Variants in PIK3CA observed in about 807,000 individuals in gnomAD.
The protein encoded by PIK3CA is phosphatidylinositol-4,5-bisphosphate 3-kinase catalytic subunit alpha.
PIK3CA carries 27 observed loss-of-function variants against 138.2 expected under a neutral mutation model. That is an observed-to-expected ratio of 0.20 (90% CI 0.14 to 0.27). PIK3CA has a LOEUF of 0.27. Ranked by LOEUF, PIK3CA falls within the 10% of genes least tolerant of loss-of-function variation. The pLI is 1.00. For synonymous variants in PIK3CA, 358 were observed against 413.2 expected, an observed-to-expected ratio of 0.87 and a Z score of 1.62; for missense variants, 544 against 1,277.4, an observed-to-expected ratio of 0.43 and a Z score of 8.75.
At chr3:179,169,595 T>G (rs533657714) in intron 1 of PIK3CA, among the ~76,000 whole-genome samples, 2 of 152,108 alleles carry the variant, frequency 1.3e-5, no homozygotes, top group African/African-American at 4.8e-5. Flanking sequence ...GGTTCTGGGG[T>G]TTTTCCCTAT....
intron 20 of PIK3CA, chr3:179,233,412 T>C (rs1303694507): frequency 5.1e-6 from 2 of 395,164 alleles, no homozygotes; most frequent in Non-Finnish European, 8.9e-6. Context: ...TGAAAAACTA[T>C]TTTAATTTTT....
Position 179,230,946 on chromosome 3 carries a change from G to C in PIK3CA, c.2936+570G>C, listed in dbSNP as rs924440670. Among the ~76,000 whole-genome samples, 1 of 152,042 alleles carries C rather than the reference G, an allele frequency of 6.6e-6. No individual in the cohort carries two copies. The highest frequency in any genetic ancestry group is 1.5e-5 in the Non-Finnish European group (1 of 67,998). ...ACCCAAGTAGTGTGCTTTGCCCCCA[G>C]TATATACTTTTTTATCCCTCACTGT... On this transcript the variant is annotated intron_variant, in intron 20 of 20. Transcript: ENST00000263967. The surrounding 1 kb of genome is among the most constrained non-coding windows in gnomAD (Gnocchi z 5.4).
chr3:179,164,883 A>G (rs1186361124), intron 1 of PIK3CA, among the ~76,000 whole-genome samples: 1 of 152,082 alleles, frequency 6.6e-6, no homozygotes, highest in Non-Finnish European at 1.5e-5. Flanking sequence ...AAAAAAAAGA[A>G]AAAGAAAAAA....
intron 1 of PIK3CA, among the ~76,000 whole-genome samples, chr3:179,188,674 G>A (rs984357396): frequency 6.6e-6 from 1 of 151,930 alleles, no homozygotes; most frequent in Non-Finnish European, 1.5e-5. Flanking sequence ...TTCCTCCTAG[G>A]AAAGAAAGAA....
rs988672985 is a variant in PIK3CA, at chr3:179,148,493, G to C, written c.-187G>C. On this transcript the variant is annotated 5_prime_UTR_variant, in exon 1 of 21. Coordinates refer to ENST00000263967, the MANE Select transcript of PIK3CA (RefSeq NM_006218.4). ...TCCGGAGCGGCGGGGGAGAGGGGCCGGGAGGCGGGGGCCGTGCCGCCCGCT... is the reference window on the plus strand; with the variant it reads ...TCCGGAGCGGCGGGGGAGAGGGGCCCGGAGGCGGGGGCCGTGCCGCCCGCT... 1 of 151,110 alleles carries C rather than the reference G, an allele frequency of 6.6e-6. No individual in the cohort carries two copies. The highest frequency in any genetic ancestry group is 6.6e-5 in the Admixed American group (1 of 15,170). The allele number at this position is 151,110 out of a possible 1,614,324, so 9.4% of individuals were successfully genotyped here.
chr3:179,173,544 A>G (rs868628690), intron 1 of PIK3CA, among the ~76,000 whole-genome samples: 41 of 151,426 alleles, frequency 2.7e-4, no homozygotes, highest in Non-Finnish European at 5.6e-4. Context: ...GTGCCACTGC[A>G]CTCCAGCCTG....
chr3:179,160,663 A>G (rs976812085), intron 1 of PIK3CA, among the ~76,000 whole-genome samples: 1 of 152,124 alleles, frequency 6.6e-6, no homozygotes, highest in Non-Finnish European at 1.5e-5. Flanking sequence ...TTCTATGTAT[A>G]TTTTATATAT....
chr3:179,229,965 A>G (rs201394916), intron 18 of PIK3CA, 39 bp from the exon 19 acceptor site: 45 of 1,372,380 alleles, frequency 3.3e-5, no homozygotes, highest in Middle Eastern at 3.6e-4. Flanking sequence ...CTGAATCACT[A>G]TATTTCCATA....
intron 14 of PIK3CA, among the ~76,000 whole-genome samples, chr3:179,222,185 G>A (rs1724984784): frequency 6.6e-6 from 1 of 151,850 alleles, no homozygotes; most frequent in Non-Finnish European, 1.5e-5. Context: ...GAGAATGTAA[G>A]TTAGCAGTAC....
Position 179,239,955 on chromosome 3 carries a change from G to A in PIK3CA, c.*5591G>A, listed in dbSNP as rs754188481. On this transcript the variant is annotated 3_prime_UTR_variant, in exon 21 of 21. Transcript: ENST00000263967. ...TCACTAAATTTAAGACCTCTTCCCA[G>A]TCTTGCTGTTCCTAGCAAGAAGTTT... 1.0e-5 allele frequency: 13 copies of A among 1,240,316 alleles called. No homozygotes were observed. The Admixed American group carries it at 1.3e-4, about 13-fold the overall frequency. The allele number at this position is 1,240,316 out of a possible 1,614,324, so 76.8% of individuals were successfully genotyped here.
chr3:179,235,541 A>C lies in PIK3CA; in HGVS notation c.*1177A>C, dbSNP rs1725317306. The stretch of plus-strand genomic sequence containing the variant: ...CTTCTTTCCTTTTATTTCTTATGTG[A>C]ATCTCCCGTCTTCCATTCTCTTTTA... On this transcript the variant is annotated 3_prime_UTR_variant, in exon 21 of 21. Transcript: ENST00000263967. The C allele has an allele frequency of 5.1e-6, 1 of 197,932 alleles. No individual in the cohort carries two copies. The highest frequency in any genetic ancestry group is 1.9e-4 in the South Asian group (1 of 5,228). The allele number at this position is 197,932 out of a possible 1,614,324, so 12.3% of individuals were successfully genotyped here.
In PIK3CA at chr3:179,199,840, C is replaced by G. The variant is rs2108387745; in HGVS notation, c.503C>G (p.Pro168Arg). ...CATAGTAGAGCAATGTATGTCTATC[C>G]TCCAAATGTAGAATCTTCACCAGAA... ...SPHSRAMYVY[P>R]PNVESSPELP... The change falls in exon 3 of 21, where the codon CCT becomes CGT. Residue 168 changes from proline to arginine, a missense_variant. By Grantham distance (103) the Pro-to-Arg change is moderately radical. Coordinates refer to ENST00000263967, the MANE Select transcript of PIK3CA (RefSeq NM_006218.4). 6.2e-7 allele frequency: 1 copy of G among 1,612,660 alleles called. No individual in the cohort carries two copies. Among genetic ancestry groups the G allele is most frequent in the Non-Finnish European group, 8.5e-7 (1 of 1,178,840 alleles).
chr3:179,181,219 T>G (rs1354034999), intron 1 of PIK3CA, among the ~76,000 whole-genome samples: 2 of 152,184 alleles, frequency 1.3e-5, no homozygotes, highest in Non-Finnish European at 1.5e-5. Context: ...AAACATTCTG[T>G]TCCTTTTATT....
At chr3:179,178,966 C>T (rs1723772937) in intron 1 of PIK3CA, among the ~76,000 whole-genome samples, 1 of 152,150 alleles carries the variant, frequency 6.6e-6, no homozygotes. Context: ...ATTCCAGACT[C>T]CCAAAGGAAA....
chr3:179,195,434 A>T (rs983772471), intron 1 of PIK3CA, among the ~76,000 whole-genome samples: 1 of 152,116 alleles, frequency 6.6e-6, no homozygotes, highest in Non-Finnish European at 1.5e-5. Context: ...TATTTTTCAT[A>T]TATCACTTCA....
chr3:179,181,893 T>G (rs1045756600), intron 1 of PIK3CA, among the ~76,000 whole-genome samples: 15 of 152,232 alleles, frequency 9.9e-5, no homozygotes, highest in African/African-American at 3.6e-4. Context: ...ATGCTCTCAC[T>G]CTGAATTTTT....
At position 179,199,166 on chromosome 3, in the gene PIK3CA, A is replaced by T. The variant is rs746860750; in HGVS notation, c.341A>T (p.Asn114Ile). ...GGCAACCGTGAAGAAAAGATCCTCA[A>T]TCGAGAAATTGGTATGATACAATAT... is the stretch of plus-strand genomic sequence containing the variant. ...PVGNREEKIL[N>I]REIGFAIGMP... Residue 114 changes from asparagine to isoleucine, a missense_variant, in exon 2 of 21, where the codon AAT (asparagine) becomes ATT (isoleucine). By Grantham distance (149) the Asn-to-Ile change is moderately radical. Around this residue, in one of 14 missense-constraint regions of PIK3CA, gnomAD observed 234 missense variants for 401.3 expected, o/e 0.58. Transcript: ENST00000263967. 1 of 1,570,318 alleles carries T rather than the reference A, an allele frequency of 6.4e-7. No homozygotes were observed. The highest frequency in any genetic ancestry group is 1.4e-5 in the African/African-American group (1 of 72,844).
At chr3:179,184,373 A>G (rs907687036) in intron 1 of PIK3CA, among the ~76,000 whole-genome samples, 1 of 152,200 alleles carries the variant, frequency 6.6e-6, no homozygotes, top group Non-Finnish European at 1.5e-5. Flanking sequence ...GTATGTAATC[A>G]TAGTCAACAG....
chr3:179,234,904 TGAA>T lies in PIK3CA; in HGVS notation c.*544_*546del, dbSNP rs1182791579. 8.8e-6 allele frequency: 2 copies of T among 228,542 alleles called. No homozygotes were observed. Among genetic ancestry groups the T allele is most frequent in the African/African-American group, 2.2e-5 (1 of 45,068 alleles). 14.2% of individuals were successfully genotyped at this position (228,542 alleles called of 1,614,324 possible). A position where few individuals can be genotyped will look rare whatever the true frequency, so the allele number is the denominator to read the frequency against. On this transcript the variant is annotated 3_prime_UTR_variant, in exon 21 of 21. Coordinates refer to ENST00000263967, the MANE Select transcript of PIK3CA (RefSeq NM_006218.4). This position sits in a 1 kb window ranked among gnomAD's most constrained non-coding sequence, Gnocchi z 5.1. ...AGTGGGTTTTTGACTGCTTGTTTAA[TGAA>T]GAAAAATGCTTGGGGTGGAAGGGAC...
Sources: allele counts gnomAD v4.1 joint callset (sites outside exome capture counted in the v4.1 genomes callset), GRCh38; gene constraint gnomAD v4.1.1; regional missense constraint gnomAD v4.1.1; non-coding constraint Gnocchi (gnomAD v3.1); transcripts MANE v1.5; gene names NCBI Gene and HGNC (gene_info 2026-07-23, HGNC 2026-07-21).